Variants in RASSF6 observed in about 807,000 individuals in gnomAD.
The protein encoded by RASSF6 is ras association domain-containing protein 6.
A neutral mutation model predicts 44.0 loss-of-function variants in RASSF6; 52 were observed. The observed-to-expected ratio is 1.18, with a 90% CI of 0.95 to 1.49. The LOEUF is 1.49. RASSF6 is among the 40% of genes most tolerant of loss of function. RASSF6 has a pLI of 0.00. For missense variants in RASSF6, 464 were observed against 393.3 expected, an observed-to-expected ratio of 1.18 and a Z score of -1.52; for synonymous variants, 162 against 124.6, an observed-to-expected ratio of 1.30 and a Z score of -2.00.
At chr4:73,583,119 C>G (rs777193500) in intron 6 of RASSF6, among the ~76,000 whole-genome samples, 1 of 152,054 alleles carries the variant, frequency 6.6e-6, no homozygotes, top group Non-Finnish European at 1.5e-5. Flanking sequence ...TGCACTATGA[C>G]AATAACATGG....
At chr4:73,605,861 T>C (rs1297141125) in intron 2 of RASSF6, among the ~76,000 whole-genome samples, 1 of 152,212 alleles carries the variant, frequency 6.6e-6, no homozygotes, top group Non-Finnish European at 1.5e-5. Context: ...CTTGCATTTC[T>C]CTGATTAGTG....
intron 8 of RASSF6, among the ~76,000 whole-genome samples, chr4:73,581,304 C>A (rs571153515): frequency 6.6e-6 from 1 of 152,116 alleles, no homozygotes; most frequent in Non-Finnish European, 1.5e-5. Context: ...CCACTTACAG[C>A]GCCTTCCCAA....
intron 3 of RASSF6, among the ~76,000 whole-genome samples, chr4:73,598,095 C>T (rs1044215324): frequency 2.0e-5 from 3 of 152,164 alleles, no homozygotes; most frequent in Admixed American, 1.3e-4. Context: ...AACAAACTTG[C>T]ACTTGTACCC....
At position 73,584,211 on chromosome 4, in the gene RASSF6, C is replaced by G. The variant is rs553164758; in HGVS notation, c.567+969G>C. Among the ~76,000 whole-genome samples the G allele has an allele frequency of 3.3e-5, 5 of 152,048 alleles. No individual in the cohort carries two copies. In the East Asian group the frequency reaches 9.7e-4, roughly 29 times the overall value. On this transcript the variant is annotated intron_variant, in intron 6 of 10. Transcript: ENST00000307439. ...GGCTCCAAAGACACACTATCGTTAC[C>G]CCCCAAGGGTAGAAGAAGAAGAAAT...
chr4:73,574,444 T>C lies in RASSF6; in HGVS notation c.*1791A>G, dbSNP rs1255976783. On this transcript the variant is annotated 3_prime_UTR_variant, in exon 11 of 11. Coordinates refer to ENST00000307439, the MANE Select transcript of RASSF6 (RefSeq NM_177532.5). Reference sequence around the variant, plus strand: ...TTGTCCAGTATCTGTGGTCCTGCTCTGGCCTGGGCAAGCCAGCAAACTTCT... The same window carrying C: ...TTGTCCAGTATCTGTGGTCCTGCTCCGGCCTGGGCAAGCCAGCAAACTTCT... 6.6e-6 allele frequency: 1 copy of C among 152,296 alleles called. No individual in the cohort carries two copies. The highest frequency in any genetic ancestry group is 2.4e-5 in the African/African-American group (1 of 41,448). The allele number at this position is 152,296 out of a possible 1,614,324, so 9.4% of individuals were successfully genotyped here.
At position 73,575,235 on chromosome 4, in the gene RASSF6, C is replaced by G. The variant is rs1048600131; in HGVS notation, c.*1000G>C. ...GAATGAAAGAATGTTGCATATAATT[C>G]CATTTTAATACAGAATTTATAAATA... is the stretch of plus-strand genomic sequence containing the variant. On this transcript the variant is annotated 3_prime_UTR_variant, in exon 11 of 11. Coordinates refer to ENST00000307439, the MANE Select transcript of RASSF6 (RefSeq NM_177532.5). The G allele has an allele frequency of 2.3e-4, 35 of 151,854 alleles. No individual in the cohort carries two copies. The highest frequency in any genetic ancestry group is 7.0e-4 in the African/African-American group (29 of 41,340). 9.4% of individuals were successfully genotyped at this position (151,854 alleles called of 1,614,324 possible).
rs994315734 is a variant in RASSF6, at chr4:73,571,630, TA to T, written c.*4604del. 10 of 152,108 alleles carry T rather than the reference TA, an allele frequency of 6.6e-5. No individual in the cohort carries two copies. Among genetic ancestry groups the T allele is most frequent in the Admixed American group, 2.6e-4 (4 of 15,260 alleles). The allele number at this position is 152,108 out of a possible 1,614,324, so 9.4% of individuals were successfully genotyped here. A position where few individuals can be genotyped will look rare whatever the true frequency, so the allele number is the denominator to read the frequency against. On this transcript the variant is annotated 3_prime_UTR_variant, in exon 11 of 11. Coordinates refer to ENST00000307439, the MANE Select transcript of RASSF6 (RefSeq NM_177532.5). ...TAATACATACATATGGGGAATTTTA[TA>T]AAAATATTTCAGATAATTCCTTCAC...
At chr4:73,606,335 A>G (rs1725633099) in intron 2 of RASSF6, among the ~76,000 whole-genome samples, 3 of 152,242 alleles carry the variant, frequency 2.0e-5, no homozygotes, top group Admixed American at 1.3e-4. Flanking sequence ...AATATTGTAT[A>G]TTCTCACTTA....
intron 6 of RASSF6, among the ~76,000 whole-genome samples, chr4:73,584,447 CA>C (rs1723919790): frequency 6.6e-6 from 1 of 152,088 alleles, no homozygotes; most frequent in Non-Finnish European, 1.5e-5. Flanking sequence ...TAATGTCTTA[CA>C]AGCACTATGG....
At chr4:73,583,595 C>T (rs941439282) in intron 6 of RASSF6, among the ~76,000 whole-genome samples, 1 of 152,088 alleles carries the variant, frequency 6.6e-6, no homozygotes, top group East Asian at 1.9e-4. Context: ...TCCTAGATGT[C>T]CGTCATTGTA....
At chr4:73,590,843 A>T (rs1274997436) in intron 4 of RASSF6, among the ~76,000 whole-genome samples, 1 of 152,158 alleles carries the variant, frequency 6.6e-6, no homozygotes, top group East Asian at 1.9e-4. Flanking sequence ...TTTCTAGGTA[A>T]TTTTTCTCCA....
intron 4 of RASSF6, among the ~76,000 whole-genome samples, chr4:73,591,464 A>G (rs934159908): frequency 6.6e-6 from 1 of 152,226 alleles, no homozygotes; most frequent in African/African-American, 2.4e-5. Context: ...GAATTTTGCA[A>G]TGAGGTCTTA....
rs1003127322 is a variant in RASSF6 at position 73,620,367 on chromosome 4, T to G, written c.-114A>C. The G allele has an allele frequency of 1.1e-5, 16 of 1,512,172 alleles. No individual in the cohort carries two copies. The highest frequency in any genetic ancestry group is 1.3e-5 in the Non-Finnish European group (15 of 1,133,266). The allele number at this position is 1,512,172 out of a possible 1,614,324, so 93.7% of individuals were successfully genotyped here. On this transcript the variant is annotated 5_prime_UTR_variant, in exon 1 of 11. Transcript: ENST00000307439. Reference sequence around the variant, plus strand: ...ACTTGCTTCGCGGTTTGTTCTCGGCTGGGTCAGGAACTCTGGTAGAGGGAA... The same window carrying G: ...ACTTGCTTCGCGGTTTGTTCTCGGCGGGGTCAGGAACTCTGGTAGAGGGAA...
chr4:73,611,518 A>G (rs1273655820), intron 2 of RASSF6, among the ~76,000 whole-genome samples: 1 of 152,138 alleles, frequency 6.6e-6, no homozygotes, highest in African/African-American at 2.4e-5. Context: ...TAATAAAGTA[A>G]AACCACTGTT....
chr4:73,579,441 T>A (rs1453887847), intron 8 of RASSF6, among the ~76,000 whole-genome samples: 1 of 152,206 alleles, frequency 6.6e-6, no homozygotes, highest in Non-Finnish European at 1.5e-5. Flanking sequence ...ATGCCAGCCA[T>A]GGGTAGAATC....
At position 73,608,794 on chromosome 4, in the gene RASSF6, C is replaced by T. The variant is rs1279197344; in HGVS notation, c.65+2937G>A. ...GACTCACAGGGGCATGCAGTGTTTG[C>T]TCCTATTCCTTTGATCAGGAGAAGA... On this transcript the variant is annotated intron_variant, in intron 2 of 10. Coordinates refer to ENST00000307439, the MANE Select transcript of RASSF6 (RefSeq NM_177532.5). Among the ~76,000 whole-genome samples, 5 of 152,180 alleles carry T rather than the reference C, an allele frequency of 3.3e-5. No homozygotes were observed. The East Asian group carries it at 7.7e-4, about 23-fold the overall frequency.
At chr4:73,582,560 GT>G (rs1239236808) in intron 6 of RASSF6, among the ~76,000 whole-genome samples, 1 of 152,072 alleles carries the variant, frequency 6.6e-6, no homozygotes, top group Non-Finnish European at 1.5e-5. Flanking sequence ...CTTTAGTGCA[GT>G]TTAAGATTTC....
At chr4:73,581,668 A>T in intron 8 of RASSF6, 149 bp downstream of exon 8, 1 of 516,234 alleles carries the variant, frequency 1.9e-6, no homozygotes, top group Non-Finnish European at 3.5e-6. Context: ...TGGACTATAG[A>T]TAATGTTCTA....
intron 5 of RASSF6, 42 bp from the exon 6 acceptor site, chr4:73,585,406 G>A: frequency 7.3e-7 from 1 of 1,365,810 alleles, no homozygotes. Context: ...TCAGCTGCCT[G>A]TGTCCTAGCA....
Sources: allele counts gnomAD v4.1 joint callset (sites outside exome capture counted in the v4.1 genomes callset), GRCh38; gene constraint gnomAD v4.1.1; transcripts MANE v1.5; gene names NCBI Gene and HGNC (gene_info 2026-07-23, HGNC 2026-07-21).